The following NRP1 variants were observed in gnomAD, a reference collection of about 807,000 sequenced individuals.
The protein encoded by NRP1 is neuropilin 1, also known as neuropilin-1.
A neutral mutation model predicts 106.7 loss-of-function variants in NRP1; 35 were observed. That is an observed-to-expected ratio of 0.33 (90% CI 0.25 to 0.43). The LOEUF (loss-of-function observed/expected upper bound fraction) is 0.43, where lower values mean the gene tolerates loss of function less well. NRP1 is among the 20% of genes least tolerant of loss of function. NRP1 has a pLI of 1.00. For synonymous variants in NRP1, 437 were observed against 417.9 expected (o/e 1.05, Z -0.56); for missense variants, 1,024 against 1,170.4 (o/e 0.87, Z 1.83).
At chr10:33,213,209 CT>C in intron 9 of NRP1, 176 bp downstream of exon 9, 1 of 1,517,534 alleles carries the variant, frequency 6.6e-7, no homozygotes, top group Non-Finnish European at 8.9e-7. Flanking sequence ...TCAGACATCA[CT>C]TTTCATGCCA....
intron 2 of NRP1, among the ~76,000 whole-genome samples, chr10:33,277,813 C>T (rs980580519): frequency 6.6e-6 from 1 of 151,934 alleles, no homozygotes; most frequent in Non-Finnish European, 1.5e-5. Context: ...AGTATTCTTT[C>T]TTTTTTAAAA....
At chr10:33,185,786 A>C (rs1382351207) in intron 14 of NRP1, 62 bp from the exon 15 acceptor site, 17 of 1,398,866 alleles carry the variant, frequency 1.2e-5, no homozygotes, top group Non-Finnish European at 1.7e-5. Flanking sequence ...AGTGTTTACA[A>C]ATGCTTGTTC....
Position 33,249,084 on chromosome 10 carries a change from G to GTTTTTTTTTTTTTTTTTT in NRP1, c.981+4926_981+4943dup, listed in dbSNP as rs750905931. Among the ~76,000 whole-genome samples, 33 of 72,202 alleles carry GTTTTTTTTTTTTTTTTTT rather than the reference G, an allele frequency of 4.6e-4. 1 individual carries two copies. The highest frequency in any genetic ancestry group is 8.1e-4 in the African/African-American group (14 of 17,356). 47.4% of individuals were successfully genotyped at this position (72,202 alleles called of 152,430 possible). ...ATCCCACCCAGGTATTATGTCTCTT[G>GTTTTTTTTTTTTTTTTTT]TTTTTTTTTTTTTTTTTTTTTTTTG... On this transcript the variant is annotated intron_variant, in intron 6 of 16. Transcript: ENST00000374867.
chr10:33,333,642 T>A (rs1391925265), intron 1 of NRP1, among the ~76,000 whole-genome samples: 1 of 152,246 alleles, frequency 6.6e-6, no homozygotes, highest in African/African-American at 2.4e-5. Flanking sequence ...TACATGGTAC[T>A]GTTTAGACCC....
At chr10:33,277,424 C>T (rs1159191403) in intron 2 of NRP1, among the ~76,000 whole-genome samples, 1 of 152,348 alleles carries the variant, frequency 6.6e-6, no homozygotes, top group East Asian at 1.9e-4. Context: ...ATTTTGTTTC[C>T]TTTCTCACAC....
At position 33,213,390 on chromosome 10, in the gene NRP1, G is replaced by A. The variant is rs760427841; in HGVS notation, c.1610C>T (p.Ala537Val). ...CTCCCAGTCCCCAGCCCTCACCTTC[G>A]CCTTGCGTTTGCTGTCATCCATGAT... ...KMIMDDSKRKAKSFEGNNNYD... is the reference protein window; with the variant it reads ...KMIMDDSKRKVKSFEGNNNYD... Residue 537 changes from alanine (A) to valine (V), a missense_variant, in exon 9 of 17, where the codon GCG (alanine) becomes GTG (valine). By Grantham distance (64) the Ala-to-Val change is moderately conservative (BLOSUM62 0). Around this residue, in one of 5 missense-constraint regions of NRP1, gnomAD observed 562 missense variants for 620.3 expected, o/e 0.91. Coordinates refer to ENST00000374867, the MANE Select transcript of NRP1 (RefSeq NM_003873.7). 17 of 1,613,786 alleles carry A rather than the reference G, an allele frequency of 1.1e-5. No homozygotes were observed. The East Asian group carries it at 1.3e-4, about 13-fold the overall frequency.
chr10:33,261,381 A>G (rs1157516580), intron 4 of NRP1, among the ~76,000 whole-genome samples: 1 of 152,230 alleles, frequency 6.6e-6, no homozygotes, highest in Admixed American at 6.5e-5. Flanking sequence ...AAAGCTGCAA[A>G]TTTGGGTTGT....
chr10:33,224,813 T>C (rs1839532828), intron 7 of NRP1, among the ~76,000 whole-genome samples: 2 of 152,148 alleles, frequency 1.3e-5, no homozygotes, highest in Non-Finnish European at 2.9e-5. Context: ...AGTAAGAACA[T>C]GTGTTGTTTG....
At chr10:33,259,321 C>T (rs943952243) in intron 4 of NRP1, among the ~76,000 whole-genome samples, 7 of 152,118 alleles carry the variant, frequency 4.6e-5, no homozygotes, top group Non-Finnish European at 7.4e-5. Flanking sequence ...CCTCAAGATA[C>T]GAGAGTGAAA....
At chr10:33,318,186 G>A (rs11815562) in intron 2 of NRP1, among the ~76,000 whole-genome samples, 1 of 152,166 alleles carries the variant, frequency 6.6e-6, no homozygotes, top group Non-Finnish European at 1.5e-5. Flanking sequence ...GCATTACTCA[G>A]GCAGACTCTG....
intron 2 of NRP1, among the ~76,000 whole-genome samples, chr10:33,320,312 T>TAA (rs777487586): frequency 3.2e-5 from 4 of 126,314 alleles, no homozygotes; most frequent in Non-Finnish European, 1.7e-5. Context: ...ACTCCGTCTT[T>TAA]AAAAAAAAAA....
intron 2 of NRP1, among the ~76,000 whole-genome samples, chr10:33,288,959 C>G (rs866692259): frequency 6.6e-6 from 1 of 151,616 alleles, no homozygotes; most frequent in Non-Finnish European, 1.5e-5. Flanking sequence ...TCCTACTTAC[C>G]CTAAATTTTT....
rs115344434 is a variant in NRP1, at chr10:33,275,034, A to G, written c.249-4178T>C. Among the ~76,000 whole-genome samples, 400 of 152,324 alleles carry G rather than the reference A, an allele frequency of 2.6e-3. 2 individuals are homozygous for G. Among genetic ancestry groups the G allele is most frequent in the African/African-American group, 9.4e-3 (391 of 41,552 alleles). ...GAACAGATTTTTCTTCCAGAGTATT[A>G]GAAACAGGATTTGGAAATAAAAATA... On this transcript the variant is annotated intron_variant, in intron 2 of 16. Coordinates refer to ENST00000374867, the MANE Select transcript of NRP1 (RefSeq NM_003873.7).
intron 2 of NRP1, among the ~76,000 whole-genome samples, chr10:33,284,534 G>T (rs1844377506): frequency 6.6e-6 from 1 of 152,086 alleles, no homozygotes; most frequent in Non-Finnish European, 1.5e-5. Context: ...AAATTGTCAT[G>T]TTTAAAAATA....
At chr10:33,318,714 A>T (rs964109759) in intron 2 of NRP1, among the ~76,000 whole-genome samples, 2 of 151,182 alleles carry the variant, frequency 1.3e-5, no homozygotes, top group Admixed American at 1.3e-4. Flanking sequence ...TCATTGAAAA[A>T]TAAAATTATG....
intron 4 of NRP1, among the ~76,000 whole-genome samples, chr10:33,260,143 A>T (rs4934852): frequency 0.52 from 78,719 of 151,992 alleles, 21,113 homozygotes; most frequent in African/African-American, 0.65. Flanking sequence ...GGATTACAGG[A>T]GTAAGCCACC....
At chr10:33,187,394 T>A (rs1336481629) in intron 13 of NRP1, among the ~76,000 whole-genome samples, 1 of 152,174 alleles carries the variant, frequency 6.6e-6, no homozygotes, top group Non-Finnish European at 1.5e-5. Context: ...GTTCAGATTA[T>A]TTTTCCCGTA....
chr10:33,206,926 T>C (rs1464829625), intron 10 of NRP1, among the ~76,000 whole-genome samples: 1 of 152,236 alleles, frequency 6.6e-6, no homozygotes, highest in African/African-American at 2.4e-5. Flanking sequence ...TAGGCAGTAA[T>C]GTCAGTCTAC....
chr10:33,235,732 GTGC>G (rs1840502760), intron 6 of NRP1, among the ~76,000 whole-genome samples: 1 of 152,202 alleles, frequency 6.6e-6, no homozygotes, highest in Admixed American at 6.5e-5. Flanking sequence ...AAATGAAATG[GTGC>G]TGGGGTTTCT....
Sources: allele counts gnomAD v4.1 joint callset (sites outside exome capture counted in the v4.1 genomes callset), GRCh38; gene constraint gnomAD v4.1.1; regional missense constraint gnomAD v4.1.1; transcripts MANE v1.5; gene names NCBI Gene and HGNC (gene_info 2026-07-23, HGNC 2026-07-21).